Variants in AGBL4 observed in about 807,000 individuals in gnomAD.
The protein encoded by AGBL4 is cytosolic carboxypeptidase 6.
AGBL4 carries 58 observed loss-of-function variants against 66.4 expected under a neutral mutation model. The ratio of observed to expected loss-of-function variants is 0.87; its 90% CI spans 0.71 to 1.09. AGBL4 has a LOEUF of 1.09. Ranked by LOEUF, AGBL4 falls within the 50% of genes least tolerant of loss-of-function variation. AGBL4 has a pLI of 0.00. For missense variants in AGBL4, 579 were observed against 631.0 expected (o/e 0.92, Z 0.88); for synonymous variants, 234 against 222.9 (o/e 1.05, Z -0.44).
intron 1 of AGBL4, among the ~76,000 whole-genome samples, chr1:49,873,502 T>G (rs989606018): frequency 3.3e-5 from 5 of 152,072 alleles, no homozygotes; most frequent in African/African-American, 9.7e-5. Context: ...GCCTTACCTT[T>G]TGTTCCTAAG....
chr1:48,625,018 C>G (rs1442721394), intron 9 of AGBL4, among the ~76,000 whole-genome samples: 1 of 151,960 alleles, frequency 6.6e-6, no homozygotes, highest in Non-Finnish European at 1.5e-5. Context: ...AGGGATCCTC[C>G]TGCTGCTGCC....
chr1:49,298,369 T>C (rs1368631980), intron 3 of AGBL4, among the ~76,000 whole-genome samples: 3 of 152,220 alleles, frequency 2.0e-5, no homozygotes, highest in African/African-American at 7.2e-5. Flanking sequence ...CCTGATGGTT[T>C]CAGTGCCCAG....
intron 5 of AGBL4, among the ~76,000 whole-genome samples, chr1:48,994,211 A>G (rs1660833481): frequency 6.6e-6 from 1 of 152,074 alleles, no homozygotes; most frequent in African/African-American, 2.4e-5. Flanking sequence ...TCACACCTCT[A>G]TACCTGTGCC....
At chr1:48,947,841 TCTC>T (rs1297757455) in intron 5 of AGBL4, among the ~76,000 whole-genome samples, 1 of 143,162 alleles carries the variant, frequency 7.0e-6, no homozygotes, top group African/African-American at 3.0e-5. Context: ...ATTTTTTTTT[TCTC>T]TCTCTCTTTT....
chr1:49,131,805 T>C (rs1359577980), intron 4 of AGBL4, among the ~76,000 whole-genome samples: 3 of 152,032 alleles, frequency 2.0e-5, no homozygotes, highest in African/African-American at 7.2e-5. Flanking sequence ...ACTAGGTGAG[T>C]GTTGATGACA....
intron 5 of AGBL4, among the ~76,000 whole-genome samples, chr1:49,004,558 G>T (rs1661635321): frequency 6.6e-6 from 1 of 152,134 alleles, no homozygotes; most frequent in African/African-American, 2.4e-5. Context: ...GCTGGGCACT[G>T]GGGACACAGT....
chr1:50,006,987 T>C (rs1661176211), intron 1 of AGBL4, among the ~76,000 whole-genome samples: 1 of 152,204 alleles, frequency 6.6e-6, no homozygotes, highest in Admixed American at 6.5e-5. Context: ...GACTAAATGA[T>C]GAAGCAATCA....
intron 7 of AGBL4, among the ~76,000 whole-genome samples, chr1:48,655,643 A>T (rs1432274187): frequency 6.6e-6 from 1 of 152,240 alleles, no homozygotes; most frequent in Non-Finnish European, 1.5e-5. Context: ...AAGTTGTGGC[A>T]TGCTTCAATA....
chr1:49,613,652 T>C (rs1645197314), intron 3 of AGBL4, among the ~76,000 whole-genome samples: 1 of 152,184 alleles, frequency 6.6e-6, no homozygotes. Context: ...TGCCTGATGA[T>C]CTGTCACTGT....
At chr1:49,775,725 A>G (rs1255431679) in intron 2 of AGBL4, among the ~76,000 whole-genome samples, 1 of 152,128 alleles carries the variant, frequency 6.6e-6, no homozygotes, top group African/African-American at 2.4e-5. Context: ...AGTGTCTTAT[A>G]CATCATAGAA....
chr1:49,362,546 T>G (rs1041880073), intron 3 of AGBL4, among the ~76,000 whole-genome samples: 7 of 151,264 alleles, frequency 4.6e-5, no homozygotes, highest in Admixed American at 2.6e-4. Flanking sequence ...TCAGCAAACT[T>G]CAGCCGAGGG....
At chr1:49,834,312 A>T (rs1397789458) in intron 2 of AGBL4, among the ~76,000 whole-genome samples, 1 of 152,114 alleles carries the variant, frequency 6.6e-6, no homozygotes, top group Non-Finnish European at 1.5e-5. Context: ...TAGTCTTGGG[A>T]GGGTGTATGT....
At chr1:49,444,159 G>C (rs780733846) in intron 3 of AGBL4, among the ~76,000 whole-genome samples, 46 of 152,004 alleles carry the variant, frequency 3.0e-4, no homozygotes, top group Non-Finnish European at 5.0e-4. Context: ...AACTTGTTGA[G>C]GTTTGTTTTG....
chr1:48,736,361 G>A lies in AGBL4; in HGVS notation c.635-73120C>T. On this transcript the variant is annotated intron_variant, in intron 6 of 13. Coordinates refer to ENST00000371839, the MANE Select transcript of AGBL4 (RefSeq NM_032785.4). This position sits in a 1 kb window ranked among gnomAD's most constrained non-coding sequence, Gnocchi z 4.0. ...AACATCTGTTCCCCAAATCATAACT[G>A]CCAAGTTCTTCGTGTACTTGGAATC... 6.2e-7 allele frequency: 1 copy of A among 1,614,040 alleles called. No individual in the cohort carries two copies. The highest frequency in any genetic ancestry group is 8.5e-7 in the Non-Finnish European group (1 of 1,179,990).
intron 11 of AGBL4, among the ~76,000 whole-genome samples, chr1:48,563,245 C>T (rs533958339): frequency 1.3e-5 from 2 of 152,310 alleles, no homozygotes; most frequent in African/African-American, 4.8e-5. Context: ...GCATCACTAG[C>T]AGCAGTCAAA....
At chr1:48,529,934 G>A (rs1643896982), downstream of AGBL4, among the ~76,000 whole-genome samples, 1 of 152,164 alleles carries the variant, frequency 6.6e-6, no homozygotes, top group Non-Finnish European at 1.5e-5. Flanking sequence ...GAGATAGGAA[G>A]AAGGCAGGGC....
At chr1:48,956,673 T>C (rs575197153) in intron 5 of AGBL4, among the ~76,000 whole-genome samples, 1 of 152,278 alleles carries the variant, frequency 6.6e-6, no homozygotes, top group Admixed American at 6.5e-5. Flanking sequence ...TTACTAATAC[T>C]TACTCAACTA....
chr1:48,805,786 C>A (rs1645909758), intron 6 of AGBL4, among the ~76,000 whole-genome samples: 1 of 152,158 alleles, frequency 6.6e-6, no homozygotes, highest in African/African-American at 2.4e-5. Context: ...TGCTCTATGA[C>A]CCCCTCTCTC....
intron 1 of AGBL4, among the ~76,000 whole-genome samples, chr1:49,883,146 T>C (rs1007503789): frequency 2.0e-5 from 3 of 152,220 alleles, no homozygotes; most frequent in Non-Finnish European, 4.4e-5. Flanking sequence ...TATCACCAAA[T>C]ACATTGTCAT....
Sources: gnomAD v4.1 joint callset for allele counts (sites outside exome capture counted in the v4.1 genomes callset) on GRCh38, gnomAD v4.1.1 for gene constraint, Gnocchi (gnomAD v3.1) non-coding constraint, MANE v1.5 for transcripts, NCBI Gene and HGNC (gene_info 2026-07-23, HGNC 2026-07-21) for gene names.